Variants in DOCK3 observed in about 807,000 individuals in gnomAD.
The protein encoded by DOCK3 is dedicator of cytokinesis protein 3.
A neutral mutation model predicts 265.6 loss-of-function variants in DOCK3; 60 were observed. The ratio of observed to expected loss-of-function variants is 0.23; its 90% confidence interval spans 0.18 to 0.28. The LOEUF (loss-of-function observed/expected upper bound fraction) is 0.28, where lower values mean the gene tolerates loss of function less well. Among genes scored for constraint, DOCK3 ranks in the 10% least tolerant of loss-of-function variants. DOCK3 has a pLI of 1.00. For missense variants in DOCK3, 1,981 were observed against 2,594.3 expected (o/e 0.76, Z 5.14); for synonymous variants, 881 against 938.0 (o/e 0.94, Z 1.11).
intron 10 of DOCK3, among the ~76,000 whole-genome samples, chr3:51,154,255 A>C (rs2085742922): frequency 2.0e-5 from 3 of 152,358 alleles, no homozygotes; most frequent in African/African-American, 7.2e-5. Flanking sequence ...GGAAAGATTT[A>C]TAAATCTAGC....
At chr3:50,968,714 T>G (rs2077106703) in intron 5 of DOCK3, among the ~76,000 whole-genome samples, 1 of 152,132 alleles carries the variant, frequency 6.6e-6, no homozygotes, top group African/African-American at 2.4e-5. Flanking sequence ...CACGCCCAGC[T>G]AATTTTTGTA....
Position 51,356,132 on chromosome 3 carries a change from T to C in DOCK3, c.4293T>C (p.Asp1431=), listed in dbSNP as rs1282979451. 4 of 1,613,978 alleles carry C rather than the reference T, an allele frequency of 2.5e-6. No homozygotes were observed. The highest frequency in any genetic ancestry group is 3.4e-6 in the Non-Finnish European group (4 of 1,179,880). ...TGACGCCCATTCCAGATTATGTGGA[T>C]GTTCTGCAGATGGATAGGGTACCAG... ...YAVTPIPDYV[D]VLQMDRVPDR... Residue 1431 remains aspartate, a synonymous_variant, in exon 42 of 53, where the codon GAT becomes GAC. Coordinates refer to ENST00000266037, the MANE Select transcript of DOCK3 (RefSeq NM_004947.5).
chr3:51,269,297 C>T (rs1421023179), intron 23 of DOCK3, among the ~76,000 whole-genome samples: 1 of 151,312 alleles, frequency 6.6e-6, no homozygotes, highest in Admixed American at 6.6e-5. Flanking sequence ...TCCTTCTGTC[C>T]TGGTGTCTAA....
intron 3 of DOCK3, among the ~76,000 whole-genome samples, chr3:50,864,875 T>G (rs574532678): frequency 6.6e-6 from 1 of 152,270 alleles, no homozygotes; most frequent in South Asian, 2.1e-4. Flanking sequence ...TCAGGTATTA[T>G]GATGCGTCCA....
Position 51,208,856 on chromosome 3 carries a change from A to G in DOCK3, c.1120A>G (p.Ser374Gly), listed in dbSNP as rs1026087384. 9 of 1,609,702 alleles carry G rather than the reference A, an allele frequency of 5.6e-6. No individual in the cohort carries two copies. The highest frequency in any genetic ancestry group is 6.8e-6 in the Non-Finnish European group (8 of 1,178,166). Residue 374 changes from serine to glycine, a missense_variant, in exon 13 of 53, where the codon AGC becomes GGC. Ser to Gly is a moderately conservative substitution (Grantham distance 56). Coordinates refer to ENST00000266037, the MANE Select transcript of DOCK3 (RefSeq NM_004947.5). ...TGCCAAGTACTCTGCCCCCAGCGCCAGCCATGGTGAGATACTTCTCTGACT... is the reference window on the plus strand; with the variant it reads ...TGCCAAGTACTCTGCCCCCAGCGCCGGCCATGGTGAGATACTTCTCTGACT... ...SSAKYSAPSA[S>G]HGLIISLQLL... is the part of the protein sequence containing the mutation.
intron 17 of DOCK3, 109 bp from the exon 18 acceptor site, chr3:51,228,552 G>A (rs967431109): frequency 1.0e-5 from 13 of 1,268,896 alleles, no homozygotes; most frequent in South Asian, 6.4e-5. Context: ...GAGGCCCAAC[G>A]TTCAGCCTTA....
chr3:50,758,562 T>C (rs1332445141), intron 1 of DOCK3, among the ~76,000 whole-genome samples: 1 of 152,212 alleles, frequency 6.6e-6, no homozygotes, highest in Non-Finnish European at 1.5e-5. Context: ...TGTACAGTTC[T>C]GCAGCATCAA....
At chr3:50,866,226 C>G (rs2047135578) in intron 3 of DOCK3, among the ~76,000 whole-genome samples, 1 of 152,124 alleles carries the variant, frequency 6.6e-6, no homozygotes, top group East Asian at 1.9e-4. Flanking sequence ...GTGGCTCACA[C>G]CTGTAATCCC....
At chr3:50,787,131 TCA>T (rs2042226261) in intron 2 of DOCK3, 3 of 689,250 alleles carry the variant, frequency 4.4e-6, no homozygotes, top group Non-Finnish European at 5.4e-6. Flanking sequence ...AATGTTTTTT[TCA>T]CAGTCTGTTT....
intron 6 of DOCK3, among the ~76,000 whole-genome samples, chr3:51,065,208 CTT>C (rs1386169923): frequency 1.3e-5 from 2 of 151,948 alleles, no homozygotes; most frequent in Non-Finnish European, 2.9e-5. Flanking sequence ...ATTAATATAA[CTT>C]TATAATTGAT....
At chr3:51,279,842 G>A (rs1270013296) in intron 26 of DOCK3, among the ~76,000 whole-genome samples, 1 of 152,200 alleles carries the variant, frequency 6.6e-6, no homozygotes, top group Non-Finnish European at 1.5e-5. Context: ...AAAAAAGGGA[G>A]AATATTTGTC....
intron 40 of DOCK3, among the ~76,000 whole-genome samples, chr3:51,353,674 G>A (rs1482281394): frequency 1.3e-5 from 2 of 152,216 alleles, no homozygotes; most frequent in Non-Finnish European, 2.9e-5. Flanking sequence ...CCCATAGTGA[G>A]AGAGGAAGTA....
At chr3:51,096,020 C>T (rs1055704586) in intron 9 of DOCK3, among the ~76,000 whole-genome samples, 1 of 151,584 alleles carries the variant, frequency 6.6e-6, no homozygotes, top group African/African-American at 2.4e-5. Flanking sequence ...GTGGGTAACC[C>T]GACCTTTTCC....
At chr3:50,754,811 G>A (rs931073506) in intron 1 of DOCK3, among the ~76,000 whole-genome samples, 1 of 151,862 alleles carries the variant, frequency 6.6e-6, no homozygotes, top group South Asian at 2.1e-4. Context: ...CATCTGCCTC[G>A]GCCTCCCAAA....
intron 1 of DOCK3, among the ~76,000 whole-genome samples, chr3:50,714,673 G>A (rs978656690): frequency 6.6e-6 from 1 of 152,070 alleles, no homozygotes; most frequent in African/African-American, 2.4e-5. Flanking sequence ...CTGGTCTCCA[G>A]CAGTCCTTCT....
chr3:50,748,410 G>C (rs530314920), intron 1 of DOCK3, among the ~76,000 whole-genome samples: 23 of 152,302 alleles, frequency 1.5e-4, no homozygotes, highest in South Asian at 4.2e-4. Context: ...GGTGGGGAAA[G>C]ACAAGAGACT....
At chr3:51,094,423 A>AG in intron 9 of DOCK3, among the ~76,000 whole-genome samples, 1 of 151,974 alleles carries the variant, frequency 6.6e-6, no homozygotes, top group South Asian at 2.1e-4. Context: ...GAATTTATCC[A>AG]TTTTTTCTAT....
intron 1 of DOCK3, among the ~76,000 whole-genome samples, chr3:50,736,362 T>C (rs538969891): frequency 2.0e-5 from 3 of 152,302 alleles, no homozygotes; most frequent in East Asian, 3.9e-4. Context: ...AATAAACATA[T>C]GTGTGCATGT....
intron 2 of DOCK3, among the ~76,000 whole-genome samples, chr3:50,781,784 TC>T (rs1488448080): frequency 6.6e-6 from 1 of 152,162 alleles, no homozygotes; most frequent in African/African-American, 2.4e-5. Flanking sequence ...CTTCCTACCT[TC>T]CATTCTCTGG....
Sources: gnomAD v4.1 joint callset for allele counts (sites outside exome capture counted in the v4.1 genomes callset) on GRCh38, gnomAD v4.1.1 for gene constraint, MANE v1.5 for transcripts, NCBI Gene and HGNC (gene_info 2026-07-23, HGNC 2026-07-21) for gene names.